The following SNTG2 variants were observed in gnomAD, a reference collection of about 807,000 sequenced individuals.
The protein encoded by SNTG2 is gamma-2-syntrophin.
In SNTG2, 74 loss-of-function variants were observed where a neutral mutation model predicts 70.9. The ratio of observed to expected loss-of-function variants is 1.04; its 90% CI spans 0.86 to 1.27. SNTG2 has a LOEUF of 1.27. Ranked by LOEUF, SNTG2 falls within the 50% of genes most tolerant of loss-of-function variation. The probability of loss-of-function intolerance (pLI) is 0.00; values close to 1 mark genes in which losing one functional copy is unlikely to be tolerated. For synonymous variants in SNTG2, 278 were observed against 273.8 expected, an observed-to-expected ratio of 1.02 and a Z score of -0.15; for missense variants, 717 against 690.7, an observed-to-expected ratio of 1.04 and a Z score of -0.43.
rs1553362144 is a variant in SNTG2, at chr2:1,222,041, C to CTGTTTCTCTCTGTCTCTG, written c.719+12812_719+12813insGTTTCTCTCTGTCTCTGT. Among the ~76,000 whole-genome samples the CTGTTTCTCTCTGTCTCTG allele has an allele frequency of 8.1e-4, 3 of 3,708 alleles. 1 individual carries two copies. Among genetic ancestry groups the CTGTTTCTCTCTGTCTCTG allele is most frequent in the Admixed American group, 2.6e-3 (1 of 388 alleles). The allele number at this position is 3,708 out of a possible 152,430, so 2.4% of individuals were successfully genotyped here. ...TCTCTGTCTCTGCCTATCTCTGTCT[C>CTGTTTCTCTCTGTCTCTG]TCTCTGTCTCTCTCTGTCTCTGTTT... is the stretch of plus-strand genomic sequence containing the variant. On this transcript the variant is annotated intron_variant, in intron 9 of 16. Transcript: ENST00000308624.
chr2:1,039,611 TTTATCAGACACTG>T (rs1661318506), intron 1 of SNTG2, among the ~76,000 whole-genome samples: 1 of 152,200 alleles, frequency 6.6e-6, no homozygotes, highest in Non-Finnish European at 1.5e-5. Flanking sequence ...TCAGTCTCTT[TTTATCAGACACTG>T]GTATGGTACG....
intron 8 of SNTG2, among the ~76,000 whole-genome samples, chr2:1,187,923 G>A (rs147590488): frequency 6.6e-6 from 1 of 152,338 alleles, no homozygotes; most frequent in East Asian, 1.9e-4. Context: ...GTCTGAAAGA[G>A]CATTTTACCA....
intron 6 of SNTG2, among the ~76,000 whole-genome samples, chr2:1,140,503 C>T (rs1460326558): frequency 1.3e-5 from 2 of 152,060 alleles, no homozygotes; most frequent in Non-Finnish European, 2.9e-5. Context: ...CAGGAGCTGC[C>T]GGTTCCTCTC....
At chr2:965,790 G>A (rs1200722787) in intron 1 of SNTG2, among the ~76,000 whole-genome samples, 1 of 152,088 alleles carries the variant, frequency 6.6e-6, no homozygotes, top group Non-Finnish European at 1.5e-5. Context: ...TCTCCAGAAG[G>A]ACCTGTATGG....
chr2:1,046,376 T>C (rs1326777544), intron 1 of SNTG2, among the ~76,000 whole-genome samples: 3 of 152,166 alleles, frequency 2.0e-5, no homozygotes, highest in Non-Finnish European at 4.4e-5. Flanking sequence ...AAGATTGATA[T>C]GTGCTGGTTC....
chr2:1,222,063 G>C lies in SNTG2; in HGVS notation c.719+12833G>C, dbSNP rs1294055452. ...TCTCTCTCTGTCTCTCTCTGTCTCT[G>C]TTTCTCTCTGTCTCTGTCTCTGTCT... is the stretch of plus-strand genomic sequence containing the variant. On this transcript the variant is annotated intron_variant, in intron 9 of 16. Coordinates refer to ENST00000308624, the MANE Select transcript of SNTG2 (RefSeq NM_018968.4). Among the ~76,000 whole-genome samples, 6 of 4,204 alleles carry C rather than the reference G, an allele frequency of 1.4e-3. 1 individual carries two copies. The highest frequency in any genetic ancestry group is 2.0e-3 in the Admixed American group (1 of 498). The allele number at this position is 4,204 out of a possible 152,430, so 2.8% of individuals were successfully genotyped here. A position where few individuals can be genotyped will look rare whatever the true frequency, so the allele number is the denominator to read the frequency against.
chr2:1,278,921 C>T (rs1320942291), intron 14 of SNTG2, among the ~76,000 whole-genome samples: 6 of 137,504 alleles, frequency 4.4e-5, no homozygotes, highest in African/African-American at 1.5e-4. Flanking sequence ...CCCCCCGGGA[C>T]GCGAATCACC....
At chr2:1,101,546 C>T (rs763044663) in intron 4 of SNTG2, among the ~76,000 whole-genome samples, 2 of 152,166 alleles carry the variant, frequency 1.3e-5, no homozygotes, top group Non-Finnish European at 2.9e-5. Context: ...AGCAGAGCCC[C>T]TGGGTTGTCC....
intron 6 of SNTG2, among the ~76,000 whole-genome samples, chr2:1,140,175 A>G (rs1668653304): frequency 6.6e-6 from 1 of 152,264 alleles, no homozygotes; most frequent in Non-Finnish European, 1.5e-5. Context: ...TATAAAAACT[A>G]GATTTACCTC....
At chr2:1,304,311 T>C (rs988576190) in intron 14 of SNTG2, among the ~76,000 whole-genome samples, 26 of 152,200 alleles carry the variant, frequency 1.7e-4, no homozygotes, top group African/African-American at 6.0e-4. Context: ...GGGAGAGCAT[T>C]TTCCTTACTG....
chr2:1,063,065 G>A (rs892794626), intron 1 of SNTG2, among the ~76,000 whole-genome samples: 4 of 152,318 alleles, frequency 2.6e-5, no homozygotes, highest in African/African-American at 7.2e-5. Flanking sequence ...GTGTTTAGAT[G>A]TGGCAAGTAG....
At chr2:1,315,478 C>CA (rs201017128) in intron 15 of SNTG2, among the ~76,000 whole-genome samples, 3,887 of 145,268 alleles carry the variant, frequency 0.027, 167 homozygotes, top group African/African-American at 0.092. Flanking sequence ...TATGGCTTGC[C>CA]AAAAAAAAAA....
intron 6 of SNTG2, among the ~76,000 whole-genome samples, chr2:1,155,414 TCA>T (rs1176441405): frequency 6.6e-6 from 1 of 151,258 alleles, no homozygotes; most frequent in African/African-American, 2.4e-5. Context: ...ATGCCCCACA[TCA>T]CACACACGTG....
At chr2:1,327,308 C>T (rs1681802241) in intron 16 of SNTG2, among the ~76,000 whole-genome samples, 2 of 152,080 alleles carry the variant, frequency 1.3e-5, no homozygotes, top group African/African-American at 2.4e-5. Context: ...TCATTTGTTT[C>T]TCTGAAATAA....
intron 9 of SNTG2, among the ~76,000 whole-genome samples, chr2:1,222,562 T>C (rs150480326): frequency 0.28 from 6,465 of 23,086 alleles, 799 homozygotes; most frequent in African/African-American, 0.33. Flanking sequence ...AGGAAAGCGG[T>C]GCAGTGATGG....
intron 14 of SNTG2, among the ~76,000 whole-genome samples, chr2:1,294,657 A>G (rs1016522963): frequency 5.3e-5 from 8 of 152,240 alleles, no homozygotes; most frequent in African/African-American, 1.9e-4. Flanking sequence ...TAAGCAGGAC[A>G]TTGGTCTCCC....
intron 8 of SNTG2, among the ~76,000 whole-genome samples, chr2:1,182,339 G>A (rs1671961865): frequency 1.6e-5 from 2 of 128,236 alleles, no homozygotes; most frequent in Non-Finnish European, 3.2e-5. Context: ...GTAAATCCCT[G>A]CTTTTCTAAC....
At chr2:1,325,506 C>T (rs1005275484) in intron 16 of SNTG2, among the ~76,000 whole-genome samples, 1 of 152,228 alleles carries the variant, frequency 6.6e-6, no homozygotes, top group Non-Finnish European at 1.5e-5. Flanking sequence ...TAGCAATCCT[C>T]ATGAACACAT....
At chr2:989,642 A>G (rs1368068085) in intron 1 of SNTG2, among the ~76,000 whole-genome samples, 1 of 152,250 alleles carries the variant, frequency 6.6e-6, no homozygotes, top group African/African-American at 2.4e-5. Context: ...TATGAGGCTT[A>G]TAATCCCCAA....
Sources: allele counts gnomAD v4.1 joint callset (sites outside exome capture counted in the v4.1 genomes callset), GRCh38; gene constraint gnomAD v4.1.1; transcripts MANE v1.5; gene names NCBI Gene and HGNC (gene_info 2026-07-23, HGNC 2026-07-21).